Variants in DPH6 observed in about 807,000 individuals in gnomAD.
DPH6 encodes the protein diphthine--ammonia ligase.
In DPH6, 33 loss-of-function variants were observed where a neutral mutation model predicts 38.2. The observed-to-expected ratio is 0.86, with a 90% CI of 0.65 to 1.15. DPH6 has a LOEUF of 1.15. DPH6 is among the 50% of genes most tolerant of loss of function. The pLI is 0.00. For missense variants in DPH6, 325 were observed against 320.0 expected, an observed-to-expected ratio of 1.02 and a Z score of -0.12; for synonymous variants, 108 against 103.0, an observed-to-expected ratio of 1.05 and a Z score of -0.30.
intron 3 of DPH6, among the ~76,000 whole-genome samples, chr15:35,496,560 A>AT: frequency 2.2e-5 from 2 of 90,158 alleles, no homozygotes; most frequent in Non-Finnish European, 4.3e-5. Flanking sequence ...CATCTCAAAA[A>AT]AAAAAAAATA....
chr15:35,377,138 A>C (rs2140930856), intron 7 of DPH6, among the ~76,000 whole-genome samples: 1 of 152,310 alleles, frequency 6.6e-6, no homozygotes, highest in African/African-American at 2.4e-5. Flanking sequence ...AATCAATGTA[A>C]GAAGGCAAAT....
rs551958423 is a variant in DPH6 at position 35,531,229 on chromosome 15, T to C, written c.312+7045A>G. On this transcript the variant is annotated intron_variant, in intron 3 of 8. Coordinates refer to ENST00000256538, the MANE Select transcript of DPH6 (RefSeq NM_080650.4). ...TCCACCATAATCAGGTTTTCTAAGA[T>C]GCATATACTAAAACTAATTAGAAAG... Among the ~76,000 whole-genome samples, 5 of 152,300 alleles carry C rather than the reference T, an allele frequency of 3.3e-5. No individual in the cohort carries two copies. The South Asian group carries it at 1.0e-3, about 32-fold the overall frequency.
At chr15:35,198,851 C>T in the DPH6 span, among the ~76,000 whole-genome samples, 2 of 152,004 alleles carry the variant, frequency 1.3e-5, no homozygotes, top group African/African-American at 4.8e-5. Context: ...AAATGCATTC[C>T]TATAAATAGT....
intron 3 of DPH6, chr15:35,298,287 A>G: frequency 1.7e-6 from 1 of 575,008 alleles, no homozygotes; most frequent in Non-Finnish European, 3.5e-6. Context: ...GAATTTTTCC[A>G]AATTGTAGAA....
At chr15:35,205,492 G>A in the DPH6 span, among the ~76,000 whole-genome samples, 1 of 151,850 alleles carries the variant, frequency 6.6e-6, no homozygotes, top group African/African-American at 2.4e-5. Context: ...ATAAAACTTG[G>A]CCAACTTATT....
chr15:35,448,170 A>C (rs2053881564), intron 5 of DPH6, among the ~76,000 whole-genome samples: 1 of 151,934 alleles, frequency 6.6e-6, no homozygotes, highest in African/African-American at 2.4e-5. Flanking sequence ...AAATACCATT[A>C]GTGATTTTTT....
intron 3 of DPH6, among the ~76,000 whole-genome samples, chr15:35,226,798 A>T (rs768779795): frequency 3.3e-5 from 5 of 152,164 alleles, no homozygotes; most frequent in Non-Finnish European, 7.4e-5. Flanking sequence ...TCAAAATACC[A>T]GTTTTGTCTG....
At chr15:35,418,493 A>G (rs2053464307) in intron 5 of DPH6, among the ~76,000 whole-genome samples, 1 of 152,098 alleles carries the variant, frequency 6.6e-6, no homozygotes, top group African/African-American at 2.4e-5. Context: ...ATAAACTCAC[A>G]AGACCTAGGC....
At chr15:35,350,046 G>GCTT (rs774606387) in intron 3 of DPH6, among the ~76,000 whole-genome samples, 16 of 152,260 alleles carry the variant, frequency 1.1e-4, no homozygotes, top group Non-Finnish European at 2.2e-4. Flanking sequence ...TTAAATGGCT[G>GCTT]CAAGAATTCT....
chr15:35,354,098 T>G (rs1157172782), intron 3 of DPH6, among the ~76,000 whole-genome samples: 11 of 152,202 alleles, frequency 7.2e-5, no homozygotes, highest in Non-Finnish European at 1.2e-4. Context: ...TATTGGTGTA[T>G]AAGAATGCTT....
At chr15:35,534,594 T>G (rs2055140477) in intron 3 of DPH6, among the ~76,000 whole-genome samples, 1 of 151,496 alleles carries the variant, frequency 6.6e-6, no homozygotes, top group African/African-American at 2.4e-5. Flanking sequence ...GTAGGGAAAT[T>G]TTAAAAGGAA....
chr15:35,421,615 ATCTT>A (rs1413595636), intron 5 of DPH6, among the ~76,000 whole-genome samples: 2 of 152,184 alleles, frequency 1.3e-5, no homozygotes, highest in Non-Finnish European at 2.9e-5. Flanking sequence ...CATTTTCCTA[ATCTT>A]TCTTATCAGT....
At chr15:35,453,818 A>T (rs2053964905) in intron 4 of DPH6, among the ~76,000 whole-genome samples, 1 of 151,996 alleles carries the variant, frequency 6.6e-6, no homozygotes, top group Non-Finnish European at 1.5e-5. Flanking sequence ...CAAGTGTTCA[A>T]ATCTATTAAT....
intron 3 of DPH6, among the ~76,000 whole-genome samples, chr15:35,493,081 G>A (rs2054505341): frequency 6.6e-6 from 1 of 152,050 alleles, no homozygotes; most frequent in South Asian, 2.1e-4. Flanking sequence ...TTTGTCCAAG[G>A]GTAGTACATT....
At chr15:35,486,733 T>C (rs1450265352) in intron 3 of DPH6, among the ~76,000 whole-genome samples, 1 of 152,128 alleles carries the variant, frequency 6.6e-6, no homozygotes, top group African/African-American at 2.4e-5. Context: ...AAACCAATCA[T>C]GCATTTCCAA....
chr15:35,468,499 T>A (rs2054155780), intron 3 of DPH6, among the ~76,000 whole-genome samples: 1 of 152,164 alleles, frequency 6.6e-6, no homozygotes, highest in African/African-American at 2.4e-5. Context: ...ATAAGACAGA[T>A]ACCCCATTAT....
the DPH6 span, among the ~76,000 whole-genome samples, chr15:35,200,877 A>T: frequency 6.6e-6 from 1 of 151,298 alleles, no homozygotes; most frequent in East Asian, 1.9e-4. Flanking sequence ...AGAATAACTT[A>T]TTTTTCTAAT....
rs140185173 is a variant in DPH6 at position 35,237,815 on chromosome 15, G to C, written n.201-17233C>G. 17 of 1,577,092 alleles carry C rather than the reference G, an allele frequency of 1.1e-5. No individual in the cohort carries two copies. The South Asian group carries it at 1.7e-4, about 15-fold the overall frequency. On this transcript the variant is annotated intron_variant and non_coding_transcript_variant, in intron 3 of 3. Transcript: ENST00000560386. ...CCCTAACTTGGATGCTGAGGGCTAC[G>C]TGGAGGGCCTGGAGGAGGAGGAGGA...
At chr15:35,217,740 G>A (rs1354049197) in exon 4 of DPH6, 1 of 152,206 alleles carries the variant, frequency 6.6e-6, no homozygotes, top group Non-Finnish European at 1.5e-5. Context: ...GCAACTGTGT[G>A]CCCAACTTTC....
Sources: allele counts gnomAD v4.1 joint callset (sites outside exome capture counted in the v4.1 genomes callset), GRCh38; gene constraint gnomAD v4.1.1; transcripts MANE v1.5; gene names NCBI Gene and HGNC (gene_info 2026-07-23, HGNC 2026-07-21).